CCDC171: variants seen among roughly 807,000 people sequenced by gnomAD.
CCDC171 encodes the protein coiled-coil domain-containing protein 171.
A neutral mutation model predicts 168.2 loss-of-function variants in CCDC171; 177 were observed. The observed-to-expected ratio is 1.05, with a 90% CI of 0.93 to 1.19. The LOEUF (loss-of-function observed/expected upper bound fraction) is 1.19. Ranked by LOEUF, CCDC171 falls within the 50% of genes most tolerant of loss-of-function variation. CCDC171 has a pLI of 0.00. For synonymous variants in CCDC171, 687 were observed against 540.8 expected, an observed-to-expected ratio of 1.27 and a Z score of -3.75; for missense variants, 1,991 against 1,539.0, an observed-to-expected ratio of 1.29 and a Z score of -4.91.
chr9:15,938,999 C>T (rs1046730801), intron 25 of CCDC171, among the ~76,000 whole-genome samples: 24 of 151,192 alleles, frequency 1.6e-4, no homozygotes, highest in Non-Finnish European at 2.2e-4. Context: ...TAATTTTTCA[C>T]GATCTTTTAT....
intron 3 of CCDC171, among the ~76,000 whole-genome samples, chr9:15,999,479 C>T (rs1832475796): frequency 6.6e-6 from 1 of 151,992 alleles, no homozygotes; most frequent in African/African-American, 2.4e-5. Context: ...TGATATAGTG[C>T]CATCAGAACA....
intron 6 of CCDC171, among the ~76,000 whole-genome samples, chr9:16,030,451 G>A (rs550113406): frequency 6.6e-6 from 1 of 152,292 alleles, no homozygotes; most frequent in Non-Finnish European, 1.5e-5. Flanking sequence ...CACTTTAAAA[G>A]ATTTTAGTAC....
intron 1 of CCDC171, among the ~76,000 whole-genome samples, chr9:16,044,880 C>G (rs1261306972): frequency 6.6e-6 from 1 of 152,178 alleles, no homozygotes; most frequent in Non-Finnish European, 1.5e-5. Flanking sequence ...CTTCTTGTTG[C>G]CAATTTGCCC....
At chr9:15,931,562 C>A (rs1476628087) in intron 25 of CCDC171, among the ~76,000 whole-genome samples, 1 of 138,642 alleles carries the variant, frequency 7.2e-6, no homozygotes, top group Non-Finnish European at 1.5e-5. Flanking sequence ...TTCTGCCATT[C>A]TGTAGGTTGT....
intron 10 of CCDC171, among the ~76,000 whole-genome samples, chr9:15,685,527 T>G (rs573288730): frequency 1.1e-4 from 17 of 151,948 alleles, no homozygotes; most frequent in Non-Finnish European, 1.6e-4. Flanking sequence ...TCTAGCTACT[T>G]GGGAGGCTGA....
intron 25 of CCDC171, among the ~76,000 whole-genome samples, chr9:15,940,447 A>G (rs921765130): frequency 6.6e-6 from 1 of 151,976 alleles, no homozygotes; most frequent in Non-Finnish European, 1.5e-5. Context: ...AAGGAAGGAT[A>G]TACACAATAA....
At chr9:15,852,665 G>T (rs74374749) in intron 23 of CCDC171, among the ~76,000 whole-genome samples, 1 of 151,606 alleles carries the variant, frequency 6.6e-6, no homozygotes. Context: ...ATGCAAAGTC[G>T]TGAAGCTTTC....
chr9:16,091,624 G>A, the CCDC171 span, among the ~76,000 whole-genome samples: 1 of 152,146 alleles, frequency 6.6e-6, no homozygotes, highest in Non-Finnish European at 1.5e-5. Flanking sequence ...GCACATTCTA[G>A]GAAACCCTGA....
At chr9:15,888,572 A>G (rs1424204523) in intron 24 of CCDC171, among the ~76,000 whole-genome samples, 2 of 152,218 alleles carry the variant, frequency 1.3e-5, no homozygotes, top group African/African-American at 4.8e-5. Context: ...CTCTGAAACT[A>G]GCAGAATATC....
chr9:16,042,119 G>T (rs1001769877), upstream of CCDC171, among the ~76,000 whole-genome samples: 1 of 152,180 alleles, frequency 6.6e-6, no homozygotes, highest in East Asian at 1.9e-4. Flanking sequence ...CTAGTTCGTC[G>T]TGGAGCAAGA....
At chr9:15,809,929 T>A (rs9406534) in intron 21 of CCDC171, among the ~76,000 whole-genome samples, 69,604 of 151,926 alleles carry the variant, frequency 0.46, 16,262 homozygotes, top group African/African-American at 0.53. Flanking sequence ...CAGAGAGCTG[T>A]TTGGTCCGTT....
At chr9:15,907,231 G>A (rs2131748034) in intron 24 of CCDC171, among the ~76,000 whole-genome samples, 1 of 152,314 alleles carries the variant, frequency 6.6e-6, no homozygotes, top group Middle Eastern at 3.4e-3. Context: ...CAAAGCTGGA[G>A]ACATCATGCT....
At chr9:15,775,781 A>G (rs2057291452) in intron 18 of CCDC171, among the ~76,000 whole-genome samples, 1 of 152,238 alleles carries the variant, frequency 6.6e-6, no homozygotes, top group Admixed American at 6.5e-5. Context: ...AATTTCTCTT[A>G]GTATTCTTGT....
At chr9:15,773,806 A>G (rs1223391065) in intron 18 of CCDC171, among the ~76,000 whole-genome samples, 2 of 152,210 alleles carry the variant, frequency 1.3e-5, no homozygotes, top group African/African-American at 2.4e-5. Flanking sequence ...TAATTAAACT[A>G]AAAAGCTTCT....
chr9:15,591,973 G>C (rs2042037435), intron 5 of CCDC171, among the ~76,000 whole-genome samples: 2 of 151,940 alleles, frequency 1.3e-5, no homozygotes, highest in African/African-American at 4.8e-5. Flanking sequence ...AGCATGTTTT[G>C]TATAAACATG....
chr9:15,805,367 G>A (rs2105320), intron 21 of CCDC171, among the ~76,000 whole-genome samples: 132,265 of 152,120 alleles, frequency 0.87, 58,711 homozygotes, highest in East Asian at 0.98. Context: ...GTAGCTTTTT[G>A]ATGTGGGCAT....
chr9:15,983,716 A>G lies in CCDC171; in HGVS notation n.369-36873A>G, dbSNP rs559823720. ...TGTAAGGAGTTAAATAATCTGCTCAATGGGATGGATGTGATTGCCTGCAAT... is the reference window on the plus strand; with the variant it reads ...TGTAAGGAGTTAAATAATCTGCTCAGTGGGATGGATGTGATTGCCTGCAAT... On this transcript the variant is annotated intron_variant and non_coding_transcript_variant, in intron 3 of 9. Coordinates refer to the CCDC171 transcript ENST00000486641. 5.9e-5 allele frequency among the ~76,000 whole-genome samples: 9 copies of G among 151,860 alleles called. No individual in the cohort carries two copies. In the East Asian group the frequency reaches 1.6e-3, roughly 26 times the overall value.
At position 15,784,696 on chromosome 9, in the gene CCDC171, T is replaced by C; in HGVS notation, c.3267+2T>C. 1 of 1,607,378 alleles carries C rather than the reference T, an allele frequency of 6.2e-7. No individual in the cohort carries two copies. Among genetic ancestry groups the C allele is most frequent in the Non-Finnish European group, 8.5e-7 (1 of 1,175,254 alleles). On this transcript the variant is annotated splice_donor_variant, in intron 21 of 25. Transcript: ENST00000380701. LOFTEE classifies it high-confidence loss of function. ...CAAACTCTTGGAGAAGCTGTTAAGGTAAGAGAATAAAGGGATATTTGCATA... is the reference window on the plus strand; with the variant it reads ...CAAACTCTTGGAGAAGCTGTTAAGGCAAGAGAATAAAGGGATATTTGCATA...
intron 7 of CCDC171, among the ~76,000 whole-genome samples, chr9:15,652,405 A>T (rs2047594625): frequency 6.6e-6 from 1 of 150,854 alleles, no homozygotes; most frequent in African/African-American, 2.4e-5. Context: ...ATGAATCTAT[A>T]TGTGTATCCT....
Sources: gnomAD v4.1 joint callset for allele counts (sites outside exome capture counted in the v4.1 genomes callset) on GRCh38, gnomAD v4.1.1 for gene constraint, MANE v1.5 for transcripts, NCBI Gene and HGNC (gene_info 2026-07-23, HGNC 2026-07-21) for gene names.